Variants in FBXL20 observed in about 807,000 individuals in gnomAD.
FBXL20 encodes F-box and leucine rich repeat protein 20.
Under a neutral mutation model 64.0 loss-of-function variants are expected in FBXL20, and 11 were observed. That is an observed-to-expected ratio of 0.17 (90% CI 0.11 to 0.28). The LOEUF is 0.28. Among genes scored for constraint, FBXL20 ranks in the 10% least tolerant of loss-of-function variants. The probability of loss-of-function intolerance (pLI) is 1.00; values close to 1 mark genes in which losing one functional copy is unlikely to be tolerated. For synonymous variants in FBXL20, 184 were observed against 189.0 expected, an observed-to-expected ratio of 0.97 and a Z score of 0.22; for missense variants, 303 against 526.2, an observed-to-expected ratio of 0.58 and a Z score of 4.15.
At chr17:39,329,649 CA>C (rs1222643566) in intron 2 of FBXL20, among the ~76,000 whole-genome samples, 2 of 151,764 alleles carry the variant, frequency 1.3e-5, no homozygotes, top group South Asian at 2.1e-4. Context: ...TGCAGCCTTT[CA>C]GGGGTAAAAA....
chr17:39,393,566 T>C (rs2048155367), intron 1 of FBXL20, among the ~76,000 whole-genome samples: 1 of 152,214 alleles, frequency 6.6e-6, no homozygotes, highest in Non-Finnish European at 1.5e-5. Flanking sequence ...ATTTCCTTTT[T>C]TGTTTTGACC....
At chr17:39,367,462 G>A (rs557724574) in intron 1 of FBXL20, among the ~76,000 whole-genome samples, 98 of 148,810 alleles carry the variant, frequency 6.6e-4, no homozygotes, top group African/African-American at 2.3e-3. Flanking sequence ...GATTACAGGC[G>A]CCCACCACCA....
Position 39,270,857 on chromosome 17 carries a change from C to T in FBXL20, c.828-1G>A. 1.4e-6 allele frequency: 2 copies of T among 1,478,840 alleles called. No individual in the cohort carries two copies. The highest frequency in any genetic ancestry group is 1.6e-5 in the African/African-American group (1 of 62,382). The allele number at this position is 1,478,840 out of a possible 1,614,324, so 91.6% of individuals were successfully genotyped here. Reference sequence around the variant, plus strand: ...AGAACATCTTGCCACTTCCAATATTCTGTTAAAAAAAAAAAAAAAACAGTG... The same window carrying T: ...AGAACATCTTGCCACTTCCAATATTTTGTTAAAAAAAAAAAAAAAACAGTG... On this transcript the variant is annotated splice_acceptor_variant, in intron 10 of 14. Coordinates refer to ENST00000264658, the MANE Select transcript of FBXL20 (RefSeq NM_032875.3). LOFTEE classifies it high-confidence loss of function.
intron 6 of FBXL20, among the ~76,000 whole-genome samples, chr17:39,286,909 CTTTTTTTT>C (rs35221372): frequency 7.7e-4 from 88 of 114,548 alleles, no homozygotes; most frequent in African/African-American, 3.1e-3. Context: ...GTATCTATTT[CTTTTTTTT>C]TTTTTTTTTT....
intron 1 of FBXL20, among the ~76,000 whole-genome samples, chr17:39,384,476 G>A (rs527331540): frequency 1.3e-3 from 198 of 151,868 alleles, no homozygotes; most frequent in African/African-American, 4.6e-3. Context: ...AGTGAGCCGA[G>A]ATCACGTCAC....
At chr17:39,374,590 T>C (rs957412352) in intron 1 of FBXL20, among the ~76,000 whole-genome samples, 1 of 152,180 alleles carries the variant, frequency 6.6e-6, no homozygotes, top group Non-Finnish European at 1.5e-5. Flanking sequence ...TAAGATTTTA[T>C]TTTTCCTTGC....
At chr17:39,348,343 T>A (rs1366051141) in intron 1 of FBXL20, among the ~76,000 whole-genome samples, 8 of 151,996 alleles carry the variant, frequency 5.3e-5, no homozygotes, top group African/African-American at 7.2e-5. Flanking sequence ...CACCTGTAGT[T>A]CCAGCTACTT....
At chr17:39,316,261 T>G (rs981577246) in intron 2 of FBXL20, among the ~76,000 whole-genome samples, 3 of 151,698 alleles carry the variant, frequency 2.0e-5, no homozygotes, top group Admixed American at 6.6e-5. Flanking sequence ...TACATGTAAA[T>G]TGTGTACATA....
intron 2 of FBXL20, among the ~76,000 whole-genome samples, chr17:39,328,180 GGAGGTTACAGT>G (rs1235450848): frequency 6.1e-5 from 9 of 146,544 alleles, no homozygotes; most frequent in African/African-American, 2.3e-4. Flanking sequence ...CATGGGAGGT[GGAGGTTACAGT>G]GAGCCGAGAT....
chr17:39,330,028 C>T (rs189574972), intron 2 of FBXL20, among the ~76,000 whole-genome samples: 2 of 152,224 alleles, frequency 1.3e-5, no homozygotes, highest in Admixed American at 1.3e-4. Flanking sequence ...CGCGGTGGCT[C>T]ATACCTGTAA....
chr17:39,284,955 T>C (rs997854136), intron 7 of FBXL20, among the ~76,000 whole-genome samples: 6 of 152,076 alleles, frequency 3.9e-5, no homozygotes, highest in Admixed American at 1.3e-4. Context: ...TTTGTTTTTT[T>C]TGAGACAGAG....
At chr17:39,338,573 G>A (rs2047551718) in intron 2 of FBXL20, among the ~76,000 whole-genome samples, 1 of 152,068 alleles carries the variant, frequency 6.6e-6, no homozygotes, top group Admixed American at 6.6e-5. Context: ...AAGTCACAAT[G>A]TATAATGTAG....
chr17:39,371,615 T>C (rs2047919067), intron 1 of FBXL20, among the ~76,000 whole-genome samples: 1 of 152,126 alleles, frequency 6.6e-6, no homozygotes, highest in Admixed American at 6.6e-5. Flanking sequence ...TCATATTCAA[T>C]TCCTCCAAAG....
At chr17:39,388,779 G>C (rs886197065) in intron 1 of FBXL20, among the ~76,000 whole-genome samples, 93 of 147,854 alleles carry the variant, frequency 6.3e-4, no homozygotes, top group African/African-American at 2.2e-3. Context: ...ACCGCGCCCG[G>C]CAAAAGCTGC....
intron 2 of FBXL20, among the ~76,000 whole-genome samples, chr17:39,342,893 A>C (rs1217846151): frequency 6.6e-6 from 1 of 152,170 alleles, no homozygotes; most frequent in Non-Finnish European, 1.5e-5. Context: ...AAACCAAACA[A>C]ACAAAAAACC....
chr17:39,284,700 A>C (rs1019195205), intron 7 of FBXL20, among the ~76,000 whole-genome samples: 2 of 152,028 alleles, frequency 1.3e-5, no homozygotes, highest in Non-Finnish European at 2.9e-5. Context: ...ACCCTTTTTA[A>C]AGCACTTTAT....
intron 2 of FBXL20, among the ~76,000 whole-genome samples, chr17:39,308,568 A>AT (rs71141795): frequency 0.38 from 55,731 of 144,806 alleles, 13,470 homozygotes; most frequent in African/African-American, 0.69. Context: ...TAATACAATA[A>AT]TTTTTTTTTT....
intron 9 of FBXL20, among the ~76,000 whole-genome samples, chr17:39,279,154 A>C (rs1395795768): frequency 6.6e-6 from 1 of 152,078 alleles, no homozygotes; most frequent in African/African-American, 2.4e-5. Context: ...TAAATAAATA[A>C]ATAAATAAAA....
At chr17:39,304,513 C>G (rs2144460663) in intron 2 of FBXL20, among the ~76,000 whole-genome samples, 1 of 152,240 alleles carries the variant, frequency 6.6e-6, no homozygotes, top group Middle Eastern at 3.4e-3. Flanking sequence ...TGGTTTTGAA[C>G]TGCTGAGCTC....
Sources: gnomAD v4.1 joint callset for allele counts (sites outside exome capture counted in the v4.1 genomes callset) on GRCh38, gnomAD v4.1.1 for gene constraint, MANE v1.5 for transcripts, NCBI Gene and HGNC (gene_info 2026-07-23, HGNC 2026-07-21) for gene names.